Variants in TFEC observed in about 807,000 individuals in gnomAD.
TFEC encodes the protein class E basic helix-loop-helix protein 34.
Under a neutral mutation model 41.6 loss-of-function variants are expected in TFEC, and 31 were observed. That is an observed-to-expected ratio of 0.74 (90% CI 0.56 to 1.01). The LOEUF is 1.01. Among genes scored for constraint, TFEC ranks in the 50% least tolerant of loss-of-function variants. TFEC has a pLI of 0.00. For missense variants in TFEC, 402 were observed against 404.1 expected, an observed-to-expected ratio of 0.99 and a Z score of 0.04; for synonymous variants, 143 against 140.6, an observed-to-expected ratio of 1.02 and a Z score of -0.12.
At chr7:116,132,699 T>C (rs1798356232) in intron 1 of TFEC, among the ~76,000 whole-genome samples, 1 of 152,214 alleles carries the variant, frequency 6.6e-6, no homozygotes, top group African/African-American at 2.4e-5. Context: ...GAAAATAACA[T>C]TTTAGCAATA....
chr7:116,080,658 G>A (rs1179328239), intron 3 of TFEC, among the ~76,000 whole-genome samples: 1 of 152,050 alleles, frequency 6.6e-6, no homozygotes, highest in South Asian at 2.1e-4. Context: ...CATTACTCCT[G>A]CAAGAATGGC....
chr7:115,943,534 G>T (rs866842011), intron 6 of TFEC, among the ~76,000 whole-genome samples: 13 of 149,598 alleles, frequency 8.7e-5, no homozygotes, highest in African/African-American at 2.9e-4. Flanking sequence ...CCTTCAATTT[G>T]TACCTGATGT....
intron 3 of TFEC, among the ~76,000 whole-genome samples, chr7:116,091,476 C>T (rs1355235538): frequency 1.3e-5 from 2 of 152,136 alleles, no homozygotes; most frequent in African/African-American, 2.4e-5. Context: ...TAGGTCATCA[C>T]TAACAGAAAA....
At chr7:116,006,005 T>A (rs1851906) in intron 1 of TFEC, among the ~76,000 whole-genome samples, 129,297 of 151,952 alleles carry the variant, frequency 0.85, 55,139 homozygotes, top group Non-Finnish European at 0.89. Flanking sequence ...CCTACGGTGC[T>A]CAGAAGTCAA....
At chr7:115,947,076 C>T (rs1364848413) in intron 6 of TFEC, among the ~76,000 whole-genome samples, 1 of 117,380 alleles carries the variant, frequency 8.5e-6, no homozygotes, top group African/African-American at 3.2e-5. Context: ...CCCCCTCCCC[C>T]CACCCCACAA....
At chr7:116,158,772 A>C (rs906322909) in intron 1 of TFEC, among the ~76,000 whole-genome samples, 1 of 152,072 alleles carries the variant, frequency 6.6e-6, no homozygotes, top group African/African-American at 2.4e-5. Flanking sequence ...CTATAATAGC[A>C]CAAATCCTAT....
intron 3 of TFEC, among the ~76,000 whole-genome samples, chr7:116,075,306 G>C (rs1260263816): frequency 2.0e-5 from 3 of 152,190 alleles, no homozygotes; most frequent in Non-Finnish European, 4.4e-5. Context: ...CGGATAGACA[G>C]AGCAGTGTGT....
intron 6 of TFEC, among the ~76,000 whole-genome samples, chr7:115,945,685 A>G (rs916461259): frequency 2.0e-5 from 3 of 151,820 alleles, no homozygotes; most frequent in African/African-American, 4.8e-5. Flanking sequence ...ACACAATAGA[A>G]ATAAAACAAA....
chr7:115,948,293 T>TTC (rs1791720303), intron 6 of TFEC, among the ~76,000 whole-genome samples: 1 of 151,780 alleles, frequency 6.6e-6, no homozygotes, highest in Non-Finnish European at 1.5e-5. Context: ...GTACCATTCC[T>TTC]TCTGAAACTA....
At chr7:116,116,834 ATCACTAG>A (rs58518741) in intron 1 of TFEC, among the ~76,000 whole-genome samples, 22,728 of 151,716 alleles carry the variant, frequency 0.15, 1,707 homozygotes, top group East Asian at 0.25. Context: ...GCAGTCACTT[ATCACTAG>A]TCACAGGAAG....
At chr7:115,963,541 G>A (rs999499277) in intron 3 of TFEC, among the ~76,000 whole-genome samples, 1 of 151,662 alleles carries the variant, frequency 6.6e-6, no homozygotes, top group East Asian at 1.9e-4. Context: ...CAGATGAATA[G>A]ATAAACAAAA....
intron 3 of TFEC, among the ~76,000 whole-genome samples, chr7:115,970,382 G>C (rs984764378): frequency 6.6e-6 from 1 of 151,906 alleles, no homozygotes; most frequent in Non-Finnish European, 1.5e-5. Context: ...AGAATTGTGA[G>C]GACAAAAGCC....
intron 6 of TFEC, among the ~76,000 whole-genome samples, chr7:115,947,124 T>C (rs867569754): frequency 7.5e-6 from 1 of 134,170 alleles, no homozygotes; most frequent in African/African-American, 2.8e-5. Context: ...CCTGTGTCCA[T>C]GTGCTCCCAT....
At chr7:115,941,783 G>A in intron 7 of TFEC, 110 bp downstream of exon 7, 1 of 1,413,772 alleles carries the variant, frequency 7.1e-7, no homozygotes, top group Non-Finnish European at 9.5e-7. Context: ...TCCTTCAAAA[G>A]GAAAAATAAT....
rs370146981 is a variant in TFEC, at chr7:116,020,308, C to T, written c.-73+10325G>A. On this transcript the variant is annotated intron_variant, in intron 1 of 7. Coordinates refer to ENST00000265440, the MANE Select transcript of TFEC (RefSeq NM_012252.4). ...GCAGAGGAGGGAGCAATCCAATAGG[C>T]TCTGTGAGTTGCTGGTAGGGAGATA... Among the ~76,000 whole-genome samples the T allele has an allele frequency of 3.3e-5, 5 of 152,230 alleles. No individual in the cohort carries two copies. In the East Asian group the frequency reaches 7.7e-4, roughly 23 times the overall value.
chr7:116,097,759 A>G (rs1284304579), intron 3 of TFEC, among the ~76,000 whole-genome samples: 2 of 152,224 alleles, frequency 1.3e-5, no homozygotes, highest in African/African-American at 4.8e-5. Context: ...AGCACAAACA[A>G]AACTGTGAAT....
chr7:115,999,335 T>G (rs186936239), intron 1 of TFEC, among the ~76,000 whole-genome samples: 12 of 152,060 alleles, frequency 7.9e-5, no homozygotes, highest in Middle Eastern at 3.4e-3. Flanking sequence ...TGAAATACAG[T>G]AAAAGCAGTA....
At chr7:116,112,114 T>A in intron 1 of TFEC, 1 of 775,884 alleles carries the variant, frequency 1.3e-6, no homozygotes, top group Non-Finnish European at 1.6e-6. Context: ...TCATACGTTG[T>A]ACATTATTAT....
intron 3 of TFEC, among the ~76,000 whole-genome samples, chr7:116,096,137 C>T (rs1797448713): frequency 2.0e-5 from 3 of 152,072 alleles, no homozygotes; most frequent in South Asian, 4.1e-4. Context: ...TTCCCAGATA[C>T]TTTGACTAAG....
Sources: gnomAD v4.1 joint callset for allele counts (sites outside exome capture counted in the v4.1 genomes callset) on GRCh38, gnomAD v4.1.1 for gene constraint, MANE v1.5 for transcripts, NCBI Gene and HGNC (gene_info 2026-07-23, HGNC 2026-07-21) for gene names.